ARHGEF40: variants seen among roughly 807,000 people sequenced by gnomAD.
The protein encoded by ARHGEF40 is Rho guanine nucleotide exchange factor 40, also known as Rho guanine nucleotide exchange factor (GEF) 40.
In ARHGEF40, 98 loss-of-function variants were observed where a neutral mutation model predicts 165.9. The ratio of observed to expected loss-of-function variants is 0.59; its 90% CI spans 0.50 to 0.70. The LOEUF is 0.70. ARHGEF40 is among the 30% of genes least tolerant of loss of function. ARHGEF40 has a pLI of 0.00. For missense variants in ARHGEF40, 1,815 were observed against 1,968.0 expected, an observed-to-expected ratio of 0.92 and a Z score of 1.47; for synonymous variants, 792 against 814.3, an observed-to-expected ratio of 0.97 and a Z score of 0.47.
chr14:21,078,406 G>T lies in ARHGEF40; in HGVS notation c.2164G>T (p.Val722Leu). 1 of 1,611,458 alleles carries T rather than the reference G, an allele frequency of 6.2e-7. No homozygotes were observed. Among genetic ancestry groups the T allele is most frequent in the Non-Finnish European group, 8.5e-7 (1 of 1,178,370 alleles). ...AVGMPKPLQKVLADPRLTALQ... is the reference protein window; with the variant it reads ...AVGMPKPLQKLLADPRLTALQ... ...GGGAATGCCCAAGCCACTGCAGAAG[G>T]TGCTGGCAGATCCCCGGCTGACGGC... Residue 722 changes from valine (V) to leucine (L), a missense_variant, in exon 10 of 24, where the codon GTG (valine) becomes TTG (leucine). Physicochemically the swap from Val to Leu is conservative, Grantham distance 32. Transcript: ENST00000298694.
chr14:21,065,351 C>G (rs1324225714), upstream of ARHGEF40, among the ~76,000 whole-genome samples: 2 of 152,138 alleles, frequency 1.3e-5, no homozygotes, highest in Non-Finnish European at 2.9e-5. Flanking sequence ...CACTTGTTCC[C>G]AAAACCATTC....
At chr14:21,084,603 A>G (rs756086027) in intron 17 of ARHGEF40, 150 bp from the exon 18 acceptor site, 156 of 806,424 alleles carry the variant, frequency 1.9e-4, no homozygotes, top group Non-Finnish European at 2.8e-4. Context: ...TGACCAGTTG[A>G]TGGACCCTAG....
At chr14:21,062,395 T>C in the ARHGEF40 span, among the ~76,000 whole-genome samples, 13 of 152,184 alleles carry the variant, frequency 8.5e-5, no homozygotes, top group Non-Finnish European at 1.6e-4. Context: ...GAGTGGAACC[T>C]GGACCTCTGT....
chr14:21,066,976 G>A (rs1347552581), upstream of ARHGEF40, among the ~76,000 whole-genome samples: 4 of 152,144 alleles, frequency 2.6e-5, no homozygotes, highest in Admixed American at 6.5e-5. Context: ...TCTCAAGTCC[G>A]TCCCTAAAAT....
intron 1 of ARHGEF40, among the ~76,000 whole-genome samples, chr14:21,071,185 C>A (rs1032585987): frequency 6.6e-6 from 1 of 152,196 alleles, no homozygotes; most frequent in East Asian, 1.9e-4. Context: ...GCAGCAGCAA[C>A]TTGGGGCGCT....
intron 21 of ARHGEF40, 29 bp downstream of exon 21, chr14:21,087,492 A>T (rs373157677): frequency 1.6e-4 from 254 of 1,597,600 alleles, no homozygotes; most frequent in Non-Finnish European, 2.1e-4. Context: ...GGTGGCTCCC[A>T]ACAGCTCGGT....
Position 21,073,992 on chromosome 14 carries a change from G to A in ARHGEF40, c.262G>A (p.Val88Met). Residue 88 changes from valine (V) to methionine (M), a missense_variant, in exon 3 of 24, where the codon GTG (valine) becomes ATG (methionine). Physicochemically the swap from Val to Met is conservative, Grantham distance 21 (BLOSUM62 1). Transcript: ENST00000298694. This position sits in a 1 kb window ranked among gnomAD's most constrained non-coding sequence, Gnocchi z 4.6. ...GTGGCCGCTCTGCCTGCATGAACAG[G>A]TGGTGGTGCAGCTAGCAGCCCTACC... Reference protein sequence around the residue: ...EGWPLCLHEQVVVQLAALPWQ... With the variant: ...EGWPLCLHEQMVVQLAALPWQ... 1 of 1,613,186 alleles carries A rather than the reference G, an allele frequency of 6.2e-7. No homozygotes were observed. Among genetic ancestry groups the A allele is most frequent in the Admixed American group, 1.7e-5 (1 of 60,024 alleles).
rs377320500 is a variant in ARHGEF40 at position 21,074,796 on chromosome 14, A to AGAG, written c.1083_1085dup (p.Gly362dup). On this transcript the variant is annotated inframe_insertion, in exon 3 of 24. Coordinates refer to ENST00000298694, the MANE Select transcript of ARHGEF40 (RefSeq NM_018071.5). The surrounding 1 kb of genome is among the most constrained non-coding windows in gnomAD (Gnocchi z 4.8). Reference sequence around the variant, plus strand: ...TTGCCCCCTGAGGCCAGGGGAGCTTAGAGGAGGAGGAGGAGGAGGCCAGGG... The same window carrying AGAG: ...TTGCCCCCTGAGGCCAGGGGAGCTTAGAGGAGGAGGAGGAGGAGGAGGCCAGGG... 1.9e-5 allele frequency: 30 copies of AGAG among 1,607,476 alleles called. No individual in the cohort carries two copies. The highest frequency in any genetic ancestry group is 3.4e-4 in the Middle Eastern group (2 of 5,818).
intron 21 of ARHGEF40, 101 bp downstream of exon 21, chr14:21,087,564 A>G: frequency 6.6e-7 from 1 of 1,507,798 alleles, no homozygotes; most frequent in South Asian, 1.2e-5. Context: ...CAAGAAGCCC[A>G]GTTGCCATGA....
chr14:21,066,326 T>G (rs1195798452), upstream of ARHGEF40, among the ~76,000 whole-genome samples: 9 of 88,546 alleles, frequency 1.0e-4, no homozygotes, highest in Non-Finnish European at 2.6e-5. Context: ...GTTTTTTTTG[T>G]TTTTTTTTTT....
intron 16 of ARHGEF40, 142 bp from the exon 17 acceptor site, chr14:21,083,693 T>C: frequency 3.0e-6 from 2 of 674,814 alleles, no homozygotes; most frequent in Non-Finnish European, 4.9e-6. Flanking sequence ...CCAGGGAGAA[T>C]GGTTTTGCCT....
In ARHGEF40 at chr14:21,084,833, T is replaced by C; in HGVS notation, c.3870T>C (p.His1290=). ...VICGRKKCLR[H]VFLFEHLLLF... is the part of the protein sequence containing the mutation. ...GTGGCCGAAAGAAGTGCCTTCGCCA[T>C]GTCTTTCTCTTCGAGCATCTCCTCC... Residue 1290 remains histidine (H), a synonymous_variant, in exon 18 of 24, where the codon CAT becomes CAC. Coordinates refer to ENST00000298694, the MANE Select transcript of ARHGEF40 (RefSeq NM_018071.5). The C allele has an allele frequency of 2.5e-6, 4 of 1,614,236 alleles. No homozygotes were observed. The highest frequency in any genetic ancestry group is 1.1e-5 in the South Asian group (1 of 91,090).
intron 1 of ARHGEF40, among the ~76,000 whole-genome samples, chr14:21,071,494 G>T (rs947890551): frequency 3.3e-5 from 5 of 152,168 alleles, no homozygotes; most frequent in Non-Finnish European, 5.9e-5. Flanking sequence ...GGAGGAAAAA[G>T]AAAGAGGAAC....
chr14:21,072,845 G>A lies in ARHGEF40; in HGVS notation c.4-200G>A, dbSNP rs747685881. Reference sequence around the variant, plus strand: ...AGGTCTCAGAGCGGGAGTGTTGAGCGCCCTGCCAGGTTTGTGCACTCTGGC... The same window carrying A: ...AGGTCTCAGAGCGGGAGTGTTGAGCACCCTGCCAGGTTTGTGCACTCTGGC... On this transcript the variant is annotated intron_variant, in intron 1 of 23. Coordinates refer to ENST00000298694, the MANE Select transcript of ARHGEF40 (RefSeq NM_018071.5). The surrounding 1 kb of genome is among the most constrained non-coding windows in gnomAD (Gnocchi z 4.1). Among the ~76,000 whole-genome samples, 5 of 152,180 alleles carry A rather than the reference G, an allele frequency of 3.3e-5. No individual in the cohort carries two copies. Among genetic ancestry groups the A allele is most frequent in the African/African-American group, 4.8e-5 (2 of 41,454 alleles).
At chr14:21,069,077 G>T (rs1447021781), upstream of ARHGEF40, among the ~76,000 whole-genome samples, 1 of 152,196 alleles carries the variant, frequency 6.6e-6, no homozygotes, top group African/African-American at 2.4e-5. Context: ...TCGGCTTTCC[G>T]ATCTCCTCTC....
In ARHGEF40 at chr14:21,082,271, G is replaced by A; in HGVS notation, c.3279G>A (p.Leu1093=). 1 of 1,612,044 alleles carries A rather than the reference G, an allele frequency of 6.2e-7. No individual in the cohort carries two copies. The highest frequency in any genetic ancestry group is 8.5e-7 in the Non-Finnish European group (1 of 1,178,672). ...ISAQQRLVSE[L]IACEQDYVAT... ...CCCAGCAGCGGCTGGTGTCTGAGCT[G>A]ATTGCCTGTGAACAAGATTACGTGG... Residue 1093 remains leucine, a synonymous_variant, in exon 15 of 24, where the codon CTG becomes CTA. Coordinates refer to ENST00000298694, the MANE Select transcript of ARHGEF40 (RefSeq NM_018071.5).
rs1887404670 is a variant in ARHGEF40 at position 21,076,229 on chromosome 14, C to A, written c.1740-131C>A. The A allele has an allele frequency of 2.5e-5, 19 of 775,142 alleles. No homozygotes were observed. In the South Asian group the frequency reaches 2.6e-4, roughly 11 times the overall value. The allele number at this position is 775,142 out of a possible 1,614,324, so 48.0% of individuals were successfully genotyped here. A position where few individuals can be genotyped will look rare whatever the true frequency, so the allele number is the denominator to read the frequency against. Reference sequence around the variant, plus strand: ...ATTTGGCCCTTTGCCCATTTCTTCCCAAATGTACCGGCAACTAATTTCTCC... The same window carrying A: ...ATTTGGCCCTTTGCCCATTTCTTCCAAAATGTACCGGCAACTAATTTCTCC... On this transcript the variant is annotated intron_variant, in intron 5 of 23. Coordinates refer to ENST00000298694, the MANE Select transcript of ARHGEF40 (RefSeq NM_018071.5).
chr14:21,086,932 CAA>C, intron 19 of ARHGEF40, 67 bp from the exon 20 acceptor site: 1 of 249,224 alleles, frequency 4.0e-6, no homozygotes, highest in Non-Finnish European at 6.4e-6. Context: ...AGAAAAAAAT[CAA>C]CCATGACATG....
chr14:21,087,174 G>A lies in ARHGEF40; in HGVS notation c.4243+69G>A, dbSNP rs1164712067. 10 of 1,590,222 alleles carry A rather than the reference G, an allele frequency of 6.3e-6. No individual in the cohort carries two copies. In the East Asian group the frequency reaches 1.8e-4, roughly 29 times the overall value. On this transcript the variant is annotated intron_variant, in intron 20 of 23. Coordinates refer to ENST00000298694, the MANE Select transcript of ARHGEF40 (RefSeq NM_018071.5). ...CTTGACAATGAGGATACAAAGGGGA[G>A]GTATGGTGGAAAGTCAGGAAAGGCA...
Sources: allele counts gnomAD v4.1 joint callset (sites outside exome capture counted in the v4.1 genomes callset), GRCh38; gene constraint gnomAD v4.1.1; non-coding constraint Gnocchi (gnomAD v3.1); transcripts MANE v1.5; gene names NCBI Gene and HGNC (gene_info 2026-07-23, HGNC 2026-07-21).